The following PCDHAC1 variants were observed in gnomAD, a reference collection of about 807,000 sequenced individuals.
PCDHAC1 encodes the protein protocadherin alpha subfamily C, 1.
A neutral mutation model predicts 60.0 loss-of-function variants in PCDHAC1; 42 were observed. The ratio of observed to expected loss-of-function variants is 0.70; its 90% CI spans 0.55 to 0.90. The LOEUF (loss-of-function observed/expected upper bound fraction) is 0.90, where lower values mean the gene tolerates loss of function less well. Among genes scored for constraint, PCDHAC1 ranks in the 40% least tolerant of loss-of-function variants. The pLI, the probability that PCDHAC1 is intolerant of heterozygous loss-of-function variation, is 0.00. For missense variants in PCDHAC1, 1,160 were observed against 1,222.3 expected (o/e 0.95, Z 0.76); for synonymous variants, 468 against 499.3 (o/e 0.94, Z 0.84).
chr5:140,969,586 C>A lies in PCDHAC1; in HGVS notation c.2434-9363C>A. The A allele has an allele frequency of 3.4e-6, 3 of 894,952 alleles. No homozygotes were observed. In the Admixed American group the frequency reaches 9.0e-5, roughly 27 times the overall value. The allele number at this position is 894,952 out of a possible 1,614,324, so 55.4% of individuals were successfully genotyped here. A position where few individuals can be genotyped will look rare whatever the true frequency, so the allele number is the denominator to read the frequency against. ...AATTGTTTGAGAAGTGAGGATTAGT[C>A]TTAATATTTAATGCTAAAACACAGA... On this transcript the variant is annotated intron_variant, in intron 1 of 3. Transcript: ENST00000253807.
chr5:140,968,232 G>T, intron 1 of PCDHAC1: 2 of 1,613,990 alleles, frequency 1.2e-6, no homozygotes, highest in Non-Finnish European at 1.7e-6. Context: ...GTGTTGCTCT[G>T]TACTGTGCAA....
At position 141,010,950 on chromosome 5, in the gene PCDHAC1, A is replaced by G. The variant is rs1278386004; in HGVS notation, c.*1013A>G. The G allele has an allele frequency of 6.5e-6, 1 of 153,760 alleles. No homozygotes were observed. Among genetic ancestry groups the G allele is most frequent in the Admixed American group, 6.5e-5 (1 of 15,284 alleles). 9.5% of individuals were successfully genotyped at this position (153,760 alleles called of 1,614,324 possible). A position where few individuals can be genotyped will look rare whatever the true frequency, so the allele number is the denominator to read the frequency against. ...TCAGTCTACAGCCATTTAAATGATC[A>G]TTGCTGCTACAGAAGTGCTTTAAGA... is the stretch of plus-strand genomic sequence containing the variant. On this transcript the variant is annotated 3_prime_UTR_variant, in exon 4 of 4. Coordinates refer to ENST00000253807, the MANE Select transcript of PCDHAC1 (RefSeq NM_018898.5).
chr5:140,953,963 G>A lies in PCDHAC1; in HGVS notation c.2433+24638G>A, dbSNP rs193094168. ...CATTGCTCCCCCAACAGGCCCCAGT[G>A]TGTGTTGTTCCCCTTCATATTTTCA... On this transcript the variant is annotated intron_variant, in intron 1 of 3. Transcript: ENST00000253807. Among the ~76,000 whole-genome samples the A allele has an allele frequency of 2.1e-3, 322 of 152,136 alleles. 11 individuals carry two copies. Among genetic ancestry groups the A allele is most frequent in the Admixed American group, 0.021 (314 of 15,274 alleles).
In PCDHAC1 at chr5:141,000,611, A is replaced by T. The variant is rs185617081; in HGVS notation, c.2582-9016A>T. Among the ~76,000 whole-genome samples the T allele has an allele frequency of 4.7e-3, 713 of 150,994 alleles. 3 individuals carry two copies. Among genetic ancestry groups the T allele is most frequent in the Non-Finnish European group, 7.5e-3 (505 of 67,758 alleles). ...CCCAGCTAATTTTTGTATTTTTAGT[A>T]GAGACAGGGTTTCACCATGTTGGGC... On this transcript the variant is annotated intron_variant, in intron 3 of 3. Transcript: ENST00000253807.
chr5:141,002,166 G>A (rs1212034616), intron 3 of PCDHAC1, among the ~76,000 whole-genome samples: 1 of 152,234 alleles, frequency 6.6e-6, no homozygotes, highest in Non-Finnish European at 1.5e-5. Context: ...TGGGCGGTAG[G>A]CAGGCTCCAG....
At chr5:140,938,395 C>G (rs2092045479) in intron 1 of PCDHAC1, among the ~76,000 whole-genome samples, 1 of 152,114 alleles carries the variant, frequency 6.6e-6, no homozygotes, top group African/African-American at 2.4e-5. Context: ...ATATGAAATA[C>G]ATTGTTTGAT....
chr5:140,937,219 T>C lies in PCDHAC1; in HGVS notation c.2433+7894T>C, dbSNP rs555881657. Among the ~76,000 whole-genome samples the C allele has an allele frequency of 5.4e-3, 826 of 151,832 alleles. 4 individuals are homozygous for C. Among genetic ancestry groups the C allele is most frequent in the African/African-American group, 0.019 (796 of 41,458 alleles). ...TGCCCGGCTAATTTTTTGTATTTTT[T>C]GTAGAGACGGGGTTTCACCGTGTTA... On this transcript the variant is annotated intron_variant, in intron 1 of 3. Coordinates refer to ENST00000253807, the MANE Select transcript of PCDHAC1 (RefSeq NM_018898.5).
chr5:141,004,101 T>C (rs2098153096), intron 3 of PCDHAC1, among the ~76,000 whole-genome samples: 1 of 152,220 alleles, frequency 6.6e-6, no homozygotes, highest in Admixed American at 6.5e-5. Flanking sequence ...TCCGTTTTCA[T>C]CTTCTTCAAA....
chr5:140,982,357 A>G, intron 2 of PCDHAC1, 118 bp from the exon 3 acceptor site: 1 of 1,520,660 alleles, frequency 6.6e-7, no homozygotes. Flanking sequence ...TTCAAGCATG[A>G]GCAGAATGTG....
chr5:140,981,026 A>T (rs1300851844), intron 2 of PCDHAC1, among the ~76,000 whole-genome samples: 3 of 152,088 alleles, frequency 2.0e-5, no homozygotes, highest in Admixed American at 6.5e-5. Flanking sequence ...GGCTGTTAAT[A>T]TTTGGGGAAA....
intron 3 of PCDHAC1, among the ~76,000 whole-genome samples, chr5:140,989,687 G>A (rs956131200): frequency 2.0e-4 from 31 of 152,176 alleles, no homozygotes; most frequent in African/African-American, 6.3e-4. Flanking sequence ...TCAAAGGAAC[G>A]TGAAAATTTT....
At chr5:140,994,387 C>G (rs192635308) in intron 3 of PCDHAC1, among the ~76,000 whole-genome samples, 1 of 152,174 alleles carries the variant, frequency 6.6e-6, no homozygotes, top group South Asian at 2.1e-4. Context: ...GGGACTAAGT[C>G]AGAGATTATT....
intron 1 of PCDHAC1, among the ~76,000 whole-genome samples, chr5:140,961,780 C>T (rs1192795559): frequency 6.6e-6 from 1 of 152,052 alleles, no homozygotes; most frequent in African/African-American, 2.4e-5. Flanking sequence ...AGCTTAATGG[C>T]ACTTTTTAAA....
chr5:140,975,156 G>A (rs1404839334), intron 1 of PCDHAC1, among the ~76,000 whole-genome samples: 15 of 152,174 alleles, frequency 9.9e-5, no homozygotes, highest in Non-Finnish European at 2.1e-4. Context: ...AGTTCCTAGA[G>A]AACTGAGGAC....
At chr5:140,946,573 A>C (rs1272286008) in intron 1 of PCDHAC1, among the ~76,000 whole-genome samples, 1 of 147,140 alleles carries the variant, frequency 6.8e-6, no homozygotes, top group African/African-American at 2.6e-5. Flanking sequence ...GAATCAACTT[A>C]GGTGTTCATA....
intron 1 of PCDHAC1, among the ~76,000 whole-genome samples, chr5:140,974,864 C>A (rs949061887): frequency 3.9e-5 from 6 of 152,124 alleles, no homozygotes; most frequent in Non-Finnish European, 8.8e-5. Flanking sequence ...TGCCTTAATG[C>A]GGAACAGTCT....
Position 140,926,934 on chromosome 5 carries a change from C to T in PCDHAC1, c.42C>T (p.Ser14=), listed in dbSNP as rs138351230. ...CGVAVLCLWV[S]CGAAAGQLEY... is the part of the protein sequence containing the mutation. ...TGGCAGTTTTATGTTTGTGGGTTTC[C>T]TGCGGCGCTGCAGCGGGACAGCTCG... Residue 14 remains serine, a synonymous_variant, in exon 1 of 4, where the codon TCC becomes TCT. Coordinates refer to ENST00000253807, the MANE Select transcript of PCDHAC1 (RefSeq NM_018898.5). The T allele has an allele frequency of 5.7e-6, 9 of 1,578,848 alleles. No homozygotes were observed. The African/African-American group carries it at 1.2e-4, about 21-fold the overall frequency.
rs1554204320 is a variant in PCDHAC1 at position 140,927,303 on chromosome 5, G to A, written c.411G>A (p.Leu137=). The change falls in exon 1 of 4, where the codon CTG becomes CTA. Residue 137 remains leucine, a synonymous_variant. Transcript: ENST00000253807. ...TGCAGCTGCACATCCCCGAGTTCCT[G>A]ACGCCCGGAGCCCGCTTTACTCTCC... ...GDVQLHIPEF[L]TPGARFTLPN... 69 of 1,614,150 alleles carry A rather than the reference G, an allele frequency of 4.3e-5. No individual in the cohort carries two copies. Among genetic ancestry groups the A allele is most frequent in the Non-Finnish European group, 5.7e-5 (67 of 1,180,034 alleles).
rs545349225 is a variant in PCDHAC1, at chr5:140,969,608, C to T, written c.2434-9341C>T. On this transcript the variant is annotated intron_variant, in intron 1 of 3. Coordinates refer to ENST00000253807, the MANE Select transcript of PCDHAC1 (RefSeq NM_018898.5). ...AGTCTTAATATTTAATGCTAAAACA[C>T]AGATTTGTAGAGAAACAGGACAGGC... 646 of 747,324 alleles carry T rather than the reference C, an allele frequency of 8.6e-4. 1 individual carries two copies. Among genetic ancestry groups the T allele is most frequent in the Middle Eastern group, 3.2e-3 (8 of 2,532 alleles). The allele number at this position is 747,324 out of a possible 1,614,324, so 46.3% of individuals were successfully genotyped here. A position where few individuals can be genotyped will look rare whatever the true frequency, so the allele number is the denominator to read the frequency against.
Sources: allele counts gnomAD v4.1 joint callset (sites outside exome capture counted in the v4.1 genomes callset), GRCh38; gene constraint gnomAD v4.1.1; transcripts MANE v1.5; gene names NCBI Gene and HGNC (gene_info 2026-07-23, HGNC 2026-07-21).